CERS6: variants seen among roughly 807,000 people sequenced by gnomAD.
CERS6 encodes LAG1 homolog, ceramide synthase 6.
Under a neutral mutation model 56.8 loss-of-function variants are expected in CERS6, and 26 were observed. That is an observed-to-expected ratio of 0.46 (90% confidence interval 0.34 to 0.63). The LOEUF (loss-of-function observed/expected upper bound fraction) is 0.63. Ranked by LOEUF, CERS6 falls within the 30% of genes least tolerant of loss-of-function variation. The pLI is 0.01. For synonymous variants in CERS6, 164 were observed against 173.3 expected, an observed-to-expected ratio of 0.95 and a Z score of 0.42; for missense variants, 415 against 467.5, an observed-to-expected ratio of 0.89 and a Z score of 1.04.
rs558586164 is a variant in CERS6 at position 168,743,166 on chromosome 2, ATGTATGTGTGTG to A, written c.846-22408_846-22397del. Among the ~76,000 whole-genome samples the A allele has an allele frequency of 2.7e-3, 408 of 150,868 alleles. 1 individual carries two copies. Among genetic ancestry groups the A allele is most frequent in the Non-Finnish European group, 4.2e-3 (287 of 67,654 alleles). On this transcript the variant is annotated intron_variant, in intron 8 of 9. Coordinates refer to ENST00000305747, the MANE Select transcript of CERS6 (RefSeq NM_203463.3). ...TATATTCATATATATATATATATGT[ATGTATGTGTGTG>A]TGTATGTGTGTGTGTATATATATAT...
Position 168,601,761 on chromosome 2 carries a change from G to A in CERS6, c.408-29224G>A, listed in dbSNP as rs752545201. On this transcript the variant is annotated intron_variant, in intron 3 of 9. Transcript: ENST00000305747. ...GATAGGGTTTCACCATGTTGGCCAT[G>A]TTGTTCTTGAACTCCTGACATCAGG... 5.3e-5 allele frequency among the ~76,000 whole-genome samples: 8 copies of A among 152,070 alleles called. No homozygotes were observed. In the South Asian group the frequency reaches 6.2e-4, roughly 12 times the overall value.
At chr2:168,659,180 T>G in intron 4 of CERS6, among the ~76,000 whole-genome samples, 1 of 152,238 alleles carries the variant, frequency 6.6e-6, no homozygotes, top group East Asian at 1.9e-4. Flanking sequence ...GCTTGGTTTG[T>G]TATTACGATT....
intron 1 of CERS6, among the ~76,000 whole-genome samples, chr2:168,540,453 A>G (rs1695346778): frequency 6.6e-6 from 1 of 152,208 alleles, no homozygotes; most frequent in Non-Finnish European, 1.5e-5. Flanking sequence ...TAGATACACA[A>G]GTACCATTCT....
intron 4 of CERS6, among the ~76,000 whole-genome samples, chr2:168,633,052 G>T (rs899473323): frequency 1.2e-4 from 18 of 152,074 alleles, no homozygotes; most frequent in Non-Finnish European, 2.5e-4. Context: ...GAGTCTGCAC[G>T]AGGCAGTAAG....
At chr2:168,554,478 A>G (rs1040123372) in intron 2 of CERS6, among the ~76,000 whole-genome samples, 1 of 152,184 alleles carries the variant, frequency 6.6e-6, no homozygotes, top group African/African-American at 2.4e-5. Context: ...TACAAACGGG[A>G]CAATTGGACA....
rs1559028139 is a variant in CERS6 at position 168,631,544 on chromosome 2, T to TATATTTAATATTTA, written c.465+502_465+503insATATTTAATATTTA. Among the ~76,000 whole-genome samples the TATATTTAATATTTA allele has an allele frequency of 8.1e-5, 5 of 61,908 alleles. 2 individuals carry two copies. The highest frequency in any genetic ancestry group is 1.6e-4 in the Non-Finnish European group (5 of 31,838). The allele number at this position is 61,908 out of a possible 152,430, so 40.6% of individuals were successfully genotyped here. A position where few individuals can be genotyped will look rare whatever the true frequency, so the allele number is the denominator to read the frequency against. ...ATTATATAAATACATATTAAATATA[T>TATATTTAATATTTA]TATATTTTTAATATTTATATATTAA... is the stretch of plus-strand genomic sequence containing the variant. On this transcript the variant is annotated intron_variant, in intron 4 of 9. Coordinates refer to ENST00000305747, the MANE Select transcript of CERS6 (RefSeq NM_203463.3).
chr2:168,699,460 C>T (rs1174685859), intron 6 of CERS6, among the ~76,000 whole-genome samples: 2 of 152,178 alleles, frequency 1.3e-5, no homozygotes, highest in Admixed American at 1.3e-4. Context: ...GATTTATAAA[C>T]ATTGGCTCCA....
In CERS6 at chr2:168,728,724, G is replaced by A. The variant is rs752224612; in HGVS notation, c.845+10746G>A. Among the ~76,000 whole-genome samples the A allele has an allele frequency of 1.1e-3, 174 of 151,670 alleles. 3 individuals carry two copies. Among genetic ancestry groups the A allele is most frequent in the East Asian group, 3.9e-4 (2 of 5,160 alleles). ...ATCAACAAAAAAATGCATTGTCGCC[G>A]GCCAGTCGCAGTGGCTCATGTCTGT... On this transcript the variant is annotated intron_variant, in intron 8 of 9. Coordinates refer to ENST00000305747, the MANE Select transcript of CERS6 (RefSeq NM_203463.3).
intron 6 of CERS6, among the ~76,000 whole-genome samples, chr2:168,705,384 C>CA: frequency 6.6e-6 from 1 of 152,076 alleles, no homozygotes; most frequent in African/African-American, 2.4e-5. Context: ...AAAACAAAAA[C>CA]AAAAACAAAC....
chr2:168,501,141 C>T (rs766126055), intron 1 of CERS6, among the ~76,000 whole-genome samples: 8 of 152,180 alleles, frequency 5.3e-5, no homozygotes, highest in Non-Finnish European at 7.3e-5. Context: ...AGTTCACTGT[C>T]GTTGTTGCCT....
intron 3 of CERS6, among the ~76,000 whole-genome samples, chr2:168,620,063 A>ACG (rs1684431077): frequency 3.1e-5 from 1 of 32,002 alleles, no homozygotes; most frequent in Admixed American, 3.6e-4. Context: ...ACACACACAC[A>ACG]TATTTATATA....
chr2:168,518,847 G>C (rs1204260491), intron 1 of CERS6, among the ~76,000 whole-genome samples: 1 of 152,098 alleles, frequency 6.6e-6, no homozygotes, highest in East Asian at 1.9e-4. Flanking sequence ...GCATCTCTGA[G>C]GCTGACCGTT....
At chr2:168,509,084 A>G (rs936587961) in intron 1 of CERS6, among the ~76,000 whole-genome samples, 2 of 152,206 alleles carry the variant, frequency 1.3e-5, no homozygotes, top group African/African-American at 4.8e-5. Context: ...AGAAGAGTTC[A>G]GACTAATTCA....
chr2:168,622,117 A>T (rs1037201953), intron 3 of CERS6, among the ~76,000 whole-genome samples: 1 of 152,190 alleles, frequency 6.6e-6, no homozygotes, highest in Non-Finnish European at 1.5e-5. Context: ...GTTTTAGAGG[A>T]TGGAAATATT....
chr2:168,562,751 A>G (rs1695814467), intron 3 of CERS6, among the ~76,000 whole-genome samples: 1 of 152,204 alleles, frequency 6.6e-6, no homozygotes, highest in Non-Finnish European at 1.5e-5. Context: ...GGCAGGCAGG[A>G]GACAGTGGCC....
chr2:168,667,390 C>G (rs1470879678), intron 4 of CERS6, among the ~76,000 whole-genome samples: 2 of 152,206 alleles, frequency 1.3e-5, no homozygotes, highest in East Asian at 3.8e-4. Flanking sequence ...TCCACCCAAG[C>G]CCAGCCCTGC....
At chr2:168,511,926 A>G (rs1694793747) in intron 1 of CERS6, among the ~76,000 whole-genome samples, 1 of 147,490 alleles carries the variant, frequency 6.8e-6, no homozygotes, top group African/African-American at 2.5e-5. Context: ...TGAGACATAC[A>G]TACCCATATG....
intron 3 of CERS6, among the ~76,000 whole-genome samples, chr2:168,581,241 A>C (rs969199577): frequency 6.6e-6 from 1 of 152,106 alleles, no homozygotes; most frequent in Non-Finnish European, 1.5e-5. Context: ...CTGGTCTTGA[A>C]CTGCTGACCT....
intron 1 of CERS6, among the ~76,000 whole-genome samples, chr2:168,540,035 A>AG (rs930102254): frequency 2.0e-5 from 3 of 152,236 alleles, no homozygotes; most frequent in Admixed American, 6.5e-5. Flanking sequence ...TTCAACCTAA[A>AG]GAAGAACTTC....
Sources: allele counts gnomAD v4.1 joint callset (sites outside exome capture counted in the v4.1 genomes callset), GRCh38; gene constraint gnomAD v4.1.1; transcripts MANE v1.5; gene names NCBI Gene and HGNC (gene_info 2026-07-23, HGNC 2026-07-21).